SPG11: variants seen among roughly 807,000 people sequenced by gnomAD.
SPG11 encodes the protein spatacsin.
In SPG11, 222 loss-of-function variants were observed where a neutral mutation model predicts 274.0. The observed-to-expected ratio is 0.81, with a 90% CI of 0.73 to 0.91. The LOEUF (loss-of-function observed/expected upper bound fraction) is 0.91, where lower values mean the gene tolerates loss of function less well. Among genes scored for constraint, SPG11 ranks in the 40% least tolerant of loss-of-function variants. The pLI is 0.00. For synonymous variants in SPG11, 1,144 were observed against 1,039.7 expected (o/e 1.10, Z -1.93); for missense variants, 3,114 against 2,872.7 (o/e 1.08, Z -1.92).
At position 44,616,030 on chromosome 15, in the gene SPG11, T is replaced by C. The variant is rs980383816; in HGVS notation, c.2835-464A>G. Among the ~76,000 whole-genome samples, 118 of 152,174 alleles carry C rather than the reference T, an allele frequency of 7.8e-4. 6 individuals carry two copies. Among genetic ancestry groups the C allele is most frequent in the Admixed American group, 5.2e-4 (8 of 15,266 alleles). ...TTTACAAAGTTACTGTTACATCATA[T>C]ATACCAAAGGAGTAAAGAAAATATA... On this transcript the variant is annotated intron_variant, in intron 15 of 39. Transcript: ENST00000261866.
chr15:44,618,958 T>C (rs1408489470), intron 15 of SPG11, among the ~76,000 whole-genome samples: 1 of 152,218 alleles, frequency 6.6e-6, no homozygotes, highest in African/African-American at 2.4e-5. Flanking sequence ...TCTGGTGGTA[T>C]AGAGTTCATT....
chr15:44,585,580 T>G (rs898235662), intron 29 of SPG11, 56 bp downstream of exon 29: 70 of 1,445,268 alleles, frequency 4.8e-5, no homozygotes, highest in Middle Eastern at 2.2e-4. Context: ...CCAGCCTGGG[T>G]GACAGAGCAA....
At chr15:44,650,375 C>T (rs2084733025) in intron 6 of SPG11, among the ~76,000 whole-genome samples, 1 of 151,960 alleles carries the variant, frequency 6.6e-6, no homozygotes, top group Non-Finnish European at 1.5e-5. Flanking sequence ...AAAGTACAGC[C>T]AGGTGTGGTT....
intron 34 of SPG11, among the ~76,000 whole-genome samples, chr15:44,569,894 G>A (rs1008181389): frequency 1.3e-5 from 2 of 151,964 alleles, no homozygotes; most frequent in Admixed American, 6.6e-5. Context: ...TTTTTGTAGA[G>A]ACAGGGTTTC....
At position 44,622,738 on chromosome 15, in the gene SPG11, C is replaced by T. The variant is rs368151745; in HGVS notation, c.2306G>A (p.Arg769His). The stretch of plus-strand genomic sequence containing the variant: ...CTCACCTTTACCTACCAAAAAGTCA[C>T]GTATATTTTTATTAGTTGTATAGAA... Reference protein sequence around the residue: ...ICFYTTNKNIRDFLVEILKEK... With the variant: ...ICFYTTNKNIHDFLVEILKEK... Residue 769 changes from arginine (R) to histidine (H), a missense_variant, in exon 12 of 40, where the codon CGT becomes CAT. Arg to His is a conservative substitution (Grantham distance 29). Transcript: ENST00000261866. 32 of 1,612,352 alleles carry T rather than the reference C, an allele frequency of 2.0e-5. No individual in the cohort carries two copies. Among genetic ancestry groups the T allele is most frequent in the Admixed American group, 6.7e-5 (4 of 59,966 alleles).
At chr15:44,650,415 A>G (rs1207920361) in intron 6 of SPG11, among the ~76,000 whole-genome samples, 1 of 152,084 alleles carries the variant, frequency 6.6e-6, no homozygotes, top group African/African-American at 2.4e-5. Context: ...ACACTTTGGG[A>G]GGCTGAGGCA....
At chr15:44,592,511 G>A in intron 26 of SPG11, 73 bp from the exon 27 acceptor site, 1 of 905,890 alleles carries the variant, frequency 1.1e-6, no homozygotes, top group Non-Finnish European at 1.8e-6. Context: ...TGCCAAATAA[G>A]AGAATGTTAA....
At chr15:44,613,611 G>C in intron 16 of SPG11, 75 bp from the exon 17 acceptor site, 1 of 902,198 alleles carries the variant, frequency 1.1e-6, no homozygotes, top group Admixed American at 2.0e-5. Flanking sequence ...TTGCTCAGGC[G>C]ATGATTAGCA....
Position 44,628,519 on chromosome 15 carries a change from A to C in SPG11, c.2067+150T>G. 4.0e-6 allele frequency: 3 copies of C among 747,180 alleles called. No individual in the cohort carries two copies. The East Asian group carries it at 7.9e-5, about 20-fold the overall frequency. 46.3% of individuals were successfully genotyped at this position (747,180 alleles called of 1,614,324 possible). A position where few individuals can be genotyped will look rare whatever the true frequency, so the allele number is the denominator to read the frequency against. Reference sequence around the variant, plus strand: ...CTTGTAGACATAAATTTGAAGTCATAATCAGAAATCCCCAAACCGATAAAA... The same window carrying C: ...CTTGTAGACATAAATTTGAAGTCATCATCAGAAATCCCCAAACCGATAAAA... On this transcript the variant is annotated intron_variant, in intron 10 of 39. Coordinates refer to ENST00000261866, the MANE Select transcript of SPG11 (RefSeq NM_025137.4).
intron 19 of SPG11, 25 bp from the exon 20 acceptor site, chr15:44,606,116 G>T: frequency 6.2e-7 from 1 of 1,605,876 alleles, no homozygotes; most frequent in South Asian, 1.1e-5. Flanking sequence ...AAGTTAAACA[G>T]AATTAGAAGT....
chr15:44,632,443 T>C (rs2084095866), intron 8 of SPG11, among the ~76,000 whole-genome samples: 1 of 152,126 alleles, frequency 6.6e-6, no homozygotes, highest in African/African-American at 2.4e-5. Context: ...TTAGGCTTCC[T>C]ATTTATTAAA....
intron 10 of SPG11, 87 bp downstream of exon 10, chr15:44,628,582 A>G (rs1412713619): frequency 8.1e-7 from 1 of 1,228,370 alleles, no homozygotes; most frequent in Non-Finnish European, 1.2e-6. Context: ...TCACAAGTAT[A>G]TAGAGTCTGA....
At chr15:44,627,593 A>AT (rs753504528) in intron 10 of SPG11, among the ~76,000 whole-genome samples, 6,119 of 145,576 alleles carry the variant, frequency 0.042, 143 homozygotes, top group Non-Finnish European at 0.058. Context: ...AAAGTAAGTA[A>AT]TTTTTTTTTT....
Position 44,567,420 on chromosome 15 carries a change from T to TCA in SPG11, c.6754+2_6754+3dup, listed in dbSNP as rs759090170. The TCA allele has an allele frequency of 1.0e-4, 161 of 1,597,674 alleles. No homozygotes were observed. Among genetic ancestry groups the TCA allele is most frequent in the Non-Finnish European group, 1.4e-4 (159 of 1,169,876 alleles). ...TCTGGTAGTGTGGCTGTGACCTCAC[T>TCA]CACCCCAGGGCTGAGACTCAATCAA... On this transcript the variant is annotated splice_donor_region_variant and intron_variant, in intron 36 of 39. Coordinates refer to ENST00000261866, the MANE Select transcript of SPG11 (RefSeq NM_025137.4).
In SPG11 at chr15:44,626,510, A is replaced by G. The variant is rs377670456; in HGVS notation, c.2068-3T>C. The G allele has an allele frequency of 2.5e-6, 4 of 1,613,546 alleles. No individual in the cohort carries two copies. The highest frequency in any genetic ancestry group is 8.5e-7 in the Non-Finnish European group (1 of 1,179,818). ...AAAATGGCGCTGGCAATAACTTCCT[A>G]GGAAAAGAAAAACGTTTGCCTTTTA... On this transcript the variant is annotated splice_region_variant and splice_polypyrimidine_tract_variant and intron_variant, in intron 10 of 39. Coordinates refer to ENST00000261866, the MANE Select transcript of SPG11 (RefSeq NM_025137.4).
rs749685928 is a variant in SPG11 at position 44,622,789 on chromosome 15, A to C, written c.2255T>G (p.Val752Gly). Reference protein sequence around the residue: ...SELLKNMGFDVKGQLLKICFY... With the variant: ...SELLKNMGFDGKGQLLKICFY... ...GCAGATCTTGAGCAATTGGCCTTTTACATCAAACCCCTAAAATAAACATAG... is the reference window on the plus strand; with the variant it reads ...GCAGATCTTGAGCAATTGGCCTTTTCCATCAAACCCCTAAAATAAACATAG... The change falls in exon 12 of 40, where the codon GTA becomes GGA. Residue 752 changes from valine (V) to glycine (G), a missense_variant. Val to Gly is a moderately radical substitution (Grantham distance 109). Coordinates refer to ENST00000261866, the MANE Select transcript of SPG11 (RefSeq NM_025137.4). 5 of 1,613,632 alleles carry C rather than the reference A, an allele frequency of 3.1e-6. No homozygotes were observed. Among genetic ancestry groups the C allele is most frequent in the Non-Finnish European group, 3.4e-6 (4 of 1,179,618 alleles).
chr15:44,584,252 T>C lies in SPG11; in HGVS notation c.5428A>G (p.Thr1810Ala). ...QIWLCRITQH[T>A]LGRNQEETEP... ...GTTTCCTCCTGATTTCTTCCAAGAG[T>C]GTGCTGGGTGATGCGGCACAGCCAG... Residue 1810 changes from threonine to alanine, a missense_variant, in exon 30 of 40, where the codon ACT becomes GCT. Thr to Ala is a moderately conservative substitution (Grantham distance 58). Coordinates refer to ENST00000261866, the MANE Select transcript of SPG11 (RefSeq NM_025137.4). 5.6e-6 allele frequency: 9 copies of C among 1,613,958 alleles called. No homozygotes were observed. Among genetic ancestry groups the C allele is most frequent in the Non-Finnish European group, 6.8e-6 (8 of 1,179,980 alleles).
intron 39 of SPG11, among the ~76,000 whole-genome samples, chr15:44,563,650 C>T (rs1046664669): frequency 3.4e-5 from 5 of 149,236 alleles, no homozygotes; most frequent in African/African-American, 1.2e-4. Flanking sequence ...TTTTTTCTCT[C>T]TTAAATAAAA....
chr15:44,589,449 T>A, intron 27 of SPG11, 35 bp from the exon 28 acceptor site: 1 of 1,613,514 alleles, frequency 6.2e-7, no homozygotes, highest in Non-Finnish European at 8.5e-7. Context: ...GGGAAAGCAG[T>A]TTCATGAGAA....
Sources: gnomAD v4.1 joint callset for allele counts (sites outside exome capture counted in the v4.1 genomes callset) on GRCh38, gnomAD v4.1.1 for gene constraint, MANE v1.5 for transcripts, NCBI Gene and HGNC (gene_info 2026-07-23, HGNC 2026-07-21) for gene names.